NALF1: variants seen among roughly 807,000 people sequenced by gnomAD.
The protein encoded by NALF1 is NALCN channel auxiliary factor 1.
A neutral mutation model predicts 48.4 loss-of-function variants in NALF1; 3 were observed. The observed-to-expected ratio is 0.06, with a 90% confidence interval of 0.03 to 0.16. The LOEUF (loss-of-function observed/expected upper bound fraction) is 0.16, where lower values mean the gene tolerates loss of function less well. Ranked by LOEUF, NALF1 falls within the 10% of genes least tolerant of loss-of-function variation. The pLI is 1.00. For missense variants in NALF1, 526 were observed against 571.5 expected, an observed-to-expected ratio of 0.92 and a Z score of 0.81; for synonymous variants, 262 against 245.7, an observed-to-expected ratio of 1.07 and a Z score of -0.62.
Position 107,661,295 on chromosome 13 carries a change from T to C in NALF1, c.915+204387A>G, listed in dbSNP as rs139351861. ...ATGAAAACCTTTTCATCACTAGAAATGGGTGCTGGCAAATACATTAAACTA... is the reference window on the plus strand; with the variant it reads ...ATGAAAACCTTTTCATCACTAGAAACGGGTGCTGGCAAATACATTAAACTA... On this transcript the variant is annotated intron_variant, in intron 1 of 2. Transcript: ENST00000375915. Among the ~76,000 whole-genome samples, 1,361 of 152,288 alleles carry C rather than the reference T, an allele frequency of 8.9e-3. 14 individuals carry two copies. Among genetic ancestry groups the C allele is most frequent in the Non-Finnish European group, 0.012 (794 of 68,030 alleles).
intron 1 of NALF1, among the ~76,000 whole-genome samples, chr13:107,640,709 G>T (rs1477334929): frequency 6.6e-6 from 1 of 151,984 alleles, no homozygotes. Flanking sequence ...TTTTTTCTAA[G>T]AATAATAATA....
intron 1 of NALF1, among the ~76,000 whole-genome samples, chr13:107,535,676 C>CTATAAATTTA (rs1876782987): frequency 6.6e-6 from 1 of 152,054 alleles, no homozygotes; most frequent in Non-Finnish European, 1.5e-5. Flanking sequence ...GATTTAATGC[C>CTATAAATTTA]ATCCCCATCA....
intron 1 of NALF1, among the ~76,000 whole-genome samples, chr13:107,252,185 C>G (rs964734537): frequency 1.3e-5 from 2 of 152,138 alleles, no homozygotes; most frequent in African/African-American, 4.8e-5. Flanking sequence ...AGCCCAGTCA[C>G]GTGGTGTGAT....
chr13:107,636,029 A>C (rs1019699105), intron 1 of NALF1, among the ~76,000 whole-genome samples: 3 of 152,168 alleles, frequency 2.0e-5, no homozygotes, highest in Non-Finnish European at 4.4e-5. Context: ...TAAATAGGGG[A>C]AGCTACCTAT....
At chr13:107,818,798 G>A (rs1010465732) in intron 1 of NALF1, among the ~76,000 whole-genome samples, 33 of 137,086 alleles carry the variant, frequency 2.4e-4, no homozygotes, top group South Asian at 7.5e-4. Context: ...CGTGAACCCG[G>A]GAGGCGGAGC....
At chr13:107,393,165 G>A (rs1883655336) in intron 1 of NALF1, among the ~76,000 whole-genome samples, 1 of 151,984 alleles carries the variant, frequency 6.6e-6, no homozygotes, top group South Asian at 2.1e-4. Context: ...TCTATTAACG[G>A]GATTTTAGGT....
chr13:107,658,123 T>C lies in NALF1; in HGVS notation c.915+207559A>G, dbSNP rs546706312. 3.9e-5 allele frequency among the ~76,000 whole-genome samples: 6 copies of C among 152,296 alleles called. No homozygotes were observed. The East Asian group carries it at 1.2e-3, about 29-fold the overall frequency. On this transcript the variant is annotated intron_variant, in intron 1 of 2. Coordinates refer to ENST00000375915, the MANE Select transcript of NALF1 (RefSeq NM_001080396.3). ...GCTACTTGTAAGACTTGACTCTTTA[T>C]TGTTTTGCAGTTTTAGGATGTCTCT...
chr13:107,323,657 G>T (rs940864424), intron 1 of NALF1, among the ~76,000 whole-genome samples: 1 of 152,176 alleles, frequency 6.6e-6, no homozygotes, highest in Non-Finnish European at 1.5e-5. Context: ...GCCCAGAGCA[G>T]ACTCTAGTAC....
At chr13:107,269,730 C>G (rs1881115692) in intron 1 of NALF1, among the ~76,000 whole-genome samples, 2 of 151,990 alleles carry the variant, frequency 1.3e-5, no homozygotes. Flanking sequence ...AGGACAGAGA[C>G]CTCCAGAGAG....
In NALF1 at chr13:107,779,415, A is replaced by G. The variant is rs370741346; in HGVS notation, c.915+86267T>C. Among the ~76,000 whole-genome samples, 8 of 152,164 alleles carry G rather than the reference A, an allele frequency of 5.3e-5. No individual in the cohort carries two copies. The East Asian group carries it at 1.3e-3, about 26-fold the overall frequency. On this transcript the variant is annotated intron_variant, in intron 1 of 2. Coordinates refer to ENST00000375915, the MANE Select transcript of NALF1 (RefSeq NM_001080396.3). ...GGAGTATCCAGTTCAGATCCTATAC[A>G]TTATCTGAGTCACACTTATGATGAT...
chr13:107,707,668 G>A (rs1033066229), intron 1 of NALF1, among the ~76,000 whole-genome samples: 4 of 152,180 alleles, frequency 2.6e-5, no homozygotes, highest in African/African-American at 9.7e-5. Flanking sequence ...AGGTGGAGAT[G>A]GTAGTATCCT....
At chr13:107,856,251 G>T (rs1325204155) in intron 1 of NALF1, among the ~76,000 whole-genome samples, 1 of 152,164 alleles carries the variant, frequency 6.6e-6, no homozygotes, top group Non-Finnish European at 1.5e-5. Context: ...TTTTGATAAT[G>T]TCCCCAAAGA....
At chr13:107,470,623 A>G (rs1885084416) in intron 1 of NALF1, among the ~76,000 whole-genome samples, 1 of 152,200 alleles carries the variant, frequency 6.6e-6, no homozygotes, top group Non-Finnish European at 1.5e-5. Context: ...ATTATTTGCA[A>G]AACTGAGGGA....
chr13:107,447,408 A>G (rs1187904375), intron 1 of NALF1, among the ~76,000 whole-genome samples: 1 of 152,098 alleles, frequency 6.6e-6, no homozygotes, highest in Non-Finnish European at 1.5e-5. Context: ...AACAAAACCT[A>G]TCATTCTGAG....
At chr13:107,285,440 A>G (rs1185622953) in intron 1 of NALF1, among the ~76,000 whole-genome samples, 2 of 152,206 alleles carry the variant, frequency 1.3e-5, no homozygotes, top group Non-Finnish European at 2.9e-5. Context: ...CTGTTCTTAG[A>G]CTAGACAGTC....
intron 1 of NALF1, among the ~76,000 whole-genome samples, chr13:107,323,052 A>C (rs1566485015): frequency 1.3e-5 from 2 of 152,090 alleles, no homozygotes; most frequent in South Asian, 4.1e-4. Context: ...CAGAACGCTT[A>C]TCTTTTCATG....
chr13:107,497,650 C>T (rs959486073), intron 1 of NALF1, among the ~76,000 whole-genome samples: 7 of 152,058 alleles, frequency 4.6e-5, no homozygotes, highest in African/African-American at 1.7e-4. Context: ...ATTAATAATC[C>T]CCAGTGTCCC....
chr13:107,537,718 C>A (rs1876874357), intron 1 of NALF1, among the ~76,000 whole-genome samples: 1 of 152,042 alleles, frequency 6.6e-6, no homozygotes, highest in African/African-American at 2.4e-5. Flanking sequence ...TAAGTGGGGC[C>A]AAATTCTTCA....
In NALF1 at chr13:107,741,422, C is replaced by T. The variant is rs1027516068; in HGVS notation, c.915+124260G>A. ...AGTGAAGATATATAAAGGATAAATG[C>T]TTTCATTATTAATAAGAAATGCCTA... On this transcript the variant is annotated intron_variant, in intron 1 of 2. Coordinates refer to ENST00000375915, the MANE Select transcript of NALF1 (RefSeq NM_001080396.3). 2.0e-5 allele frequency among the ~76,000 whole-genome samples: 3 copies of T among 152,136 alleles called. No individual in the cohort carries two copies. The South Asian group carries it at 6.2e-4, about 32-fold the overall frequency.
Sources: gnomAD v4.1 joint callset for allele counts (sites outside exome capture counted in the v4.1 genomes callset) on GRCh38, gnomAD v4.1.1 for gene constraint, MANE v1.5 for transcripts, NCBI Gene and HGNC (gene_info 2026-07-23, HGNC 2026-07-21) for gene names.